Variants in RDX observed in about 807,000 individuals in gnomAD.
The protein encoded by RDX is radixin.
Under a neutral mutation model 83.7 loss-of-function variants are expected in RDX, and 32 were observed. The observed-to-expected ratio is 0.38, with a 90% CI of 0.29 to 0.51. RDX has a LOEUF of 0.51. RDX is among the 20% of genes least tolerant of loss of function. RDX has a pLI of 0.87. For missense variants in RDX, 600 were observed against 689.9 expected, an observed-to-expected ratio of 0.87 and a Z score of 1.46; for synonymous variants, 229 against 222.7, an observed-to-expected ratio of 1.03 and a Z score of -0.25.
chr11:110,286,027 A>C (rs746327845), intron 1 of RDX, among the ~76,000 whole-genome samples: 5 of 150,376 alleles, frequency 3.3e-5, no homozygotes, highest in Non-Finnish European at 5.9e-5. Flanking sequence ...CCCTCATAAA[A>C]ATATTTACTC....
chr11:110,231,407 G>C lies in RDX; in HGVS notation c.*462C>G, dbSNP rs1864629985. 1.4e-5 allele frequency: 3 copies of C among 219,058 alleles called. No homozygotes were observed. Among genetic ancestry groups the C allele is most frequent in the African/African-American group, 6.9e-5 (3 of 43,492 alleles). The allele number at this position is 219,058 out of a possible 1,614,324, so 13.6% of individuals were successfully genotyped here. On this transcript the variant is annotated 3_prime_UTR_variant, in exon 14 of 14. Coordinates refer to ENST00000645495, the MANE Select transcript of RDX (RefSeq NM_002906.4). ...CTGATCTGTATGATGGTGGAATTAT[G>C]GCTATGGACATGGCAGATAAGAGAA...
At chr11:110,263,903 A>G in intron 5 of RDX, 57 bp downstream of exon 5, 4 of 1,446,452 alleles carry the variant, frequency 2.8e-6, no homozygotes, top group Non-Finnish European at 3.8e-6. Context: ...CGTTTTATTT[A>G]TAGACTTCTA....
chr11:110,252,308 C>T (rs1285311376), intron 9 of RDX, among the ~76,000 whole-genome samples: 2 of 152,026 alleles, frequency 1.3e-5, no homozygotes, highest in Non-Finnish European at 1.5e-5. Context: ...AATATAGCAC[C>T]ATTACCAAAT....
At chr11:110,219,999 C>T (rs954759441) in intron 14 of RDX, among the ~76,000 whole-genome samples, 15 of 152,232 alleles carry the variant, frequency 9.9e-5, no homozygotes, top group African/African-American at 3.6e-4. Flanking sequence ...CTCACTTATT[C>T]ATAACACACA....
chr11:110,217,548 A>T (rs1864099382), intron 14 of RDX, among the ~76,000 whole-genome samples: 1 of 152,146 alleles, frequency 6.6e-6, no homozygotes, highest in Admixed American at 6.5e-5. Context: ...GCAAGATATA[A>T]ACAGACTTTC....
chr11:110,279,749 A>C lies in RDX; in HGVS notation c.-57T>G, dbSNP rs1236769118. The C allele has an allele frequency of 3.6e-6, 4 of 1,106,476 alleles. No homozygotes were observed. The highest frequency in any genetic ancestry group is 3.7e-5 in the Admixed American group (2 of 54,600). 68.5% of individuals were successfully genotyped at this position (1,106,476 alleles called of 1,614,324 possible). On this transcript the variant is annotated 5_prime_UTR_variant, in exon 2 of 14. Coordinates refer to ENST00000645495, the MANE Select transcript of RDX (RefSeq NM_002906.4). ...ATTCTCCACTTCAATGAATTCTGTT[A>C]TCACTTTCTGTTAAAAAAAAAAAAG... is the stretch of plus-strand genomic sequence containing the variant.
chr11:110,214,542 G>GT (rs1312102907), intron 14 of RDX, among the ~76,000 whole-genome samples: 1 of 106,638 alleles, frequency 9.4e-6, no homozygotes, highest in African/African-American at 3.7e-5. Flanking sequence ...ACATGCACAC[G>GT]TATGTTTATT....
In RDX at chr11:110,177,332, G is replaced by C. The variant is rs11824716; in HGVS notation, c.*32-2098C>G. Among the ~76,000 whole-genome samples the C allele has an allele frequency of 5.2e-3, 787 of 152,304 alleles. 10 individuals are homozygous for C. Among genetic ancestry groups the C allele is most frequent in the African/African-American group, 0.018 (733 of 41,552 alleles). ...CCCCATTGCTGCACTGCACAACTTTGAGCAGGTCCTTAATCTTGAAGCTCA... is the reference window on the plus strand; with the variant it reads ...CCCCATTGCTGCACTGCACAACTTTCAGCAGGTCCTTAATCTTGAAGCTCA... On this transcript the variant is annotated intron_variant, in intron 15 of 15. Coordinates refer to the RDX transcript ENST00000528498.
intron 15 of RDX, among the ~76,000 whole-genome samples, chr11:110,192,143 A>T (rs1287237395): frequency 6.6e-6 from 1 of 152,220 alleles, no homozygotes; most frequent in African/African-American, 2.4e-5. Flanking sequence ...ACTATACTGT[A>T]AGGCTGCCAT....
At chr11:110,268,291 A>C (rs1001546721) in intron 3 of RDX, among the ~76,000 whole-genome samples, 42 of 151,596 alleles carry the variant, frequency 2.8e-4, no homozygotes, top group African/African-American at 9.7e-4. Flanking sequence ...CCTGGGTGAC[A>C]GAGTAAGACT....
intron 1 of RDX, among the ~76,000 whole-genome samples, chr11:110,287,424 T>A (rs1861028988): frequency 6.6e-6 from 1 of 152,200 alleles, no homozygotes; most frequent in South Asian, 2.1e-4. Flanking sequence ...TCTATACTCA[T>A]AACAAGAAAA....
chr11:110,190,367 G>A (rs1863080039), intron 15 of RDX, among the ~76,000 whole-genome samples: 1 of 152,144 alleles, frequency 6.6e-6, no homozygotes, highest in African/African-American at 2.4e-5. Context: ...AACCCGGGAA[G>A]CAGAGGCTGC....
intron 9 of RDX, among the ~76,000 whole-genome samples, 177 bp from the exon 10 acceptor site, chr11:110,248,010 C>T (rs1859184873): frequency 6.6e-6 from 1 of 152,140 alleles, no homozygotes; most frequent in African/African-American, 2.4e-5. Flanking sequence ...CATATGTTCT[C>T]ACTTATAAGT....
At position 110,232,348 on chromosome 11, in the gene RDX, A is replaced by G. The variant is rs112132476; in HGVS notation, c.1588-315T>C. ...AATATTACTATGAGATTTAAAATCT[A>G]TACCTCAAGGGAAGCCTTCTCCAAA... On this transcript the variant is annotated intron_variant, in intron 13 of 13. Coordinates refer to ENST00000645495, the MANE Select transcript of RDX (RefSeq NM_002906.4). Among the ~76,000 whole-genome samples, 133 of 152,312 alleles carry G rather than the reference A, an allele frequency of 8.7e-4. 1 individual carries two copies. The highest frequency in any genetic ancestry group is 3.1e-3 in the African/African-American group (129 of 41,584).
intron 11 of RDX, among the ~76,000 whole-genome samples, chr11:110,237,188 A>C (rs1197061855): frequency 2.0e-5 from 3 of 151,062 alleles, no homozygotes; most frequent in African/African-American, 7.3e-5. Flanking sequence ...TCTAAAGCAA[A>C]AGACGCCAAC....
chr11:110,247,308 C>T (rs989561994), intron 10 of RDX, among the ~76,000 whole-genome samples: 2 of 152,090 alleles, frequency 1.3e-5, no homozygotes, highest in African/African-American at 2.4e-5. Flanking sequence ...GCTTAAATTA[C>T]TTTAATTACT....
At position 110,230,856 on chromosome 11, in the gene RDX, G is replaced by A. The variant is rs1864606671; in HGVS notation, c.*1013C>T. Reference sequence around the variant, plus strand: ...ACATATACCTTACACACTCCATTGTGTTTGAACAACCAGTCATCACAGATG... The same window carrying A: ...ACATATACCTTACACACTCCATTGTATTTGAACAACCAGTCATCACAGATG... On this transcript the variant is annotated 3_prime_UTR_variant, in exon 14 of 14. Coordinates refer to ENST00000645495, the MANE Select transcript of RDX (RefSeq NM_002906.4). 6.6e-6 allele frequency: 1 copy of A among 152,610 alleles called. No homozygotes were observed. The highest frequency in any genetic ancestry group is 2.4e-5 in the African/African-American group (1 of 41,452). 9.5% of individuals were successfully genotyped at this position (152,610 alleles called of 1,614,324 possible). A position where few individuals can be genotyped will look rare whatever the true frequency, so the allele number is the denominator to read the frequency against.
At chr11:110,200,605 C>T (rs528645518) in intron 14 of RDX, among the ~76,000 whole-genome samples, 15 of 152,220 alleles carry the variant, frequency 9.9e-5, no homozygotes, top group Non-Finnish European at 4.4e-5. Flanking sequence ...CCATGGAAAC[C>T]ACGTCATGAA....
At chr11:110,236,370 G>A (rs1053267538) in intron 11 of RDX, 179 bp from the exon 12 acceptor site, 6 of 556,092 alleles carry the variant, frequency 1.1e-5, no homozygotes, top group African/African-American at 1.9e-5. Flanking sequence ...TTTAGGTAAT[G>A]AGCTAAGGAG....
Sources: gnomAD v4.1 joint callset for allele counts (sites outside exome capture counted in the v4.1 genomes callset) on GRCh38, gnomAD v4.1.1 for gene constraint, MANE v1.5 for transcripts, NCBI Gene and HGNC (gene_info 2026-07-23, HGNC 2026-07-21) for gene names.